DOCK2: variants seen among roughly 807,000 people sequenced by gnomAD.
The protein encoded by DOCK2 is dedicator of cytokinesis 2, also known as dedicator of cytokinesis protein 2.
Under a neutral mutation model 248.9 loss-of-function variants are expected in DOCK2, and 87 were observed. The ratio of observed to expected loss-of-function variants is 0.35; its 90% CI spans 0.29 to 0.42. DOCK2 has a LOEUF of 0.42. Among genes scored for constraint, DOCK2 ranks in the 10% least tolerant of loss-of-function variants. The probability of loss-of-function intolerance (pLI) is 1.00; values close to 1 mark genes in which losing one functional copy is unlikely to be tolerated. For missense variants in DOCK2, 1,747 were observed against 2,300.2 expected (o/e 0.76, Z 4.92); for synonymous variants, 805 against 821.6 (o/e 0.98, Z 0.35).
intron 27 of DOCK2, among the ~76,000 whole-genome samples, chr5:169,952,473 A>G (rs1157490614): frequency 1.3e-5 from 2 of 152,108 alleles, no homozygotes; most frequent in Admixed American, 1.3e-4. Context: ...CGCTGGTCTT[A>G]TGCAGGTGAC....
At chr5:169,665,981 A>T (rs769815303) in intron 2 of DOCK2, among the ~76,000 whole-genome samples, 1 of 152,096 alleles carries the variant, frequency 6.6e-6, no homozygotes, top group Non-Finnish European at 1.5e-5. Flanking sequence ...AATTGTAAAA[A>T]TTTTTCCTTT....
At position 170,082,957 on chromosome 5, in the gene DOCK2, T is replaced by C; in HGVS notation, c.*99T>C. 6.7e-7 allele frequency: 1 copy of C among 1,491,696 alleles called. No individual in the cohort carries two copies. The allele number at this position is 1,491,696 out of a possible 1,614,324, so 92.4% of individuals were successfully genotyped here. A position where few individuals can be genotyped will look rare whatever the true frequency, so the allele number is the denominator to read the frequency against. On this transcript the variant is annotated 3_prime_UTR_variant, in exon 52 of 52. Coordinates refer to ENST00000520908, the MANE Select transcript of DOCK2 (RefSeq NM_004946.3). ...ATCGAAGCCTCAGAGAGTGGGAGAC[T>C]GTCCCCATCAGTTGTCCTTACTTAG...
chr5:169,990,932 C>A (rs1778191061), intron 29 of DOCK2, among the ~76,000 whole-genome samples: 1 of 152,244 alleles, frequency 6.6e-6, no homozygotes. Context: ...AGGCCATGGG[C>A]ATTTAAGGAT....
At chr5:169,916,628 G>A (rs979188317) in intron 27 of DOCK2, among the ~76,000 whole-genome samples, 28 of 152,186 alleles carry the variant, frequency 1.8e-4, no homozygotes, top group African/African-American at 6.0e-4. Context: ...GTGCTTAGAA[G>A]AGTACCTGGC....
At chr5:169,654,742 GC>G (rs1194690240) in intron 2 of DOCK2, among the ~76,000 whole-genome samples, 2 of 152,242 alleles carry the variant, frequency 1.3e-5, no homozygotes, top group African/African-American at 4.8e-5. Flanking sequence ...GGGCTATTCA[GC>G]CTGTGACTCT....
intron 27 of DOCK2, among the ~76,000 whole-genome samples, chr5:169,909,889 AC>A (rs1244308715): frequency 1.3e-5 from 2 of 152,334 alleles, no homozygotes; most frequent in Admixed American, 6.5e-5. Flanking sequence ...TGAGTTGTTT[AC>A]TTGGGGCTAA....
At chr5:170,016,936 AAGACTCTG>A (rs2113819441) in intron 32 of DOCK2, among the ~76,000 whole-genome samples, 1 of 152,332 alleles carries the variant, frequency 6.6e-6, no homozygotes, top group African/African-American at 2.4e-5. Flanking sequence ...GGCCAAAGCA[AAGACTCTG>A]AGGCTTAAGT....
At chr5:169,871,502 A>G (rs964600347) in intron 27 of DOCK2, among the ~76,000 whole-genome samples, 3 of 152,230 alleles carry the variant, frequency 2.0e-5, no homozygotes, top group Non-Finnish European at 4.4e-5. Flanking sequence ...GGGATAAATA[A>G]TATTACCTTC....
intron 26 of DOCK2, among the ~76,000 whole-genome samples, chr5:169,811,532 G>T (rs977062999): frequency 6.6e-6 from 1 of 152,176 alleles, no homozygotes; most frequent in Non-Finnish European, 1.5e-5. Context: ...TGCACCTTCT[G>T]CTGTGACCAA....
At chr5:169,637,509 C>T in intron 1 of DOCK2, 140 bp downstream of exon 1, 1 of 1,030,978 alleles carries the variant, frequency 9.7e-7, no homozygotes, top group Non-Finnish European at 1.3e-6. Context: ...TGCGGCGGGG[C>T]CTCGGGGCGG....
intron 23 of DOCK2, among the ~76,000 whole-genome samples, chr5:169,757,489 T>C (rs1764257828): frequency 6.6e-6 from 1 of 152,184 alleles, no homozygotes; most frequent in East Asian, 1.9e-4. Flanking sequence ...CAATAGAACA[T>C]AGTTTCAGAG....
At chr5:169,864,470 CAG>C (rs1402714096) in intron 27 of DOCK2, 3 of 1,515,248 alleles carry the variant, frequency 2.0e-6, no homozygotes, top group Non-Finnish European at 2.7e-6. Flanking sequence ...CTGAAAAACA[CAG>C]AGAGGAAGGA....
At chr5:169,998,711 G>T (rs915085902) in intron 30 of DOCK2, among the ~76,000 whole-genome samples, 7 of 152,202 alleles carry the variant, frequency 4.6e-5, no homozygotes, top group Non-Finnish European at 1.0e-4. Context: ...TGACACCAAA[G>T]CCCACCCAGA....
intron 27 of DOCK2, among the ~76,000 whole-genome samples, chr5:169,861,793 T>G (rs999064941): frequency 2.6e-5 from 4 of 152,232 alleles, no homozygotes; most frequent in Non-Finnish European, 5.9e-5. Flanking sequence ...AATATCAATT[T>G]TTCAGAAGAG....
In DOCK2 at chr5:169,881,351, C is replaced by T. The variant is rs777329938; in HGVS notation, c.2799+40499C>T. ...GCTTTATGGTCTACAGAGCAGGCCTCGCTTGTGGCCAGGTACCTGTATATG... is the reference window on the plus strand; with the variant it reads ...GCTTTATGGTCTACAGAGCAGGCCTTGCTTGTGGCCAGGTACCTGTATATG... On this transcript the variant is annotated intron_variant, in intron 27 of 51. Transcript: ENST00000520908. The T allele has an allele frequency of 2.1e-5, 32 of 1,549,582 alleles. No individual in the cohort carries two copies. The South Asian group carries it at 2.9e-4, about 14-fold the overall frequency.
intron 15 of DOCK2, among the ~76,000 whole-genome samples, chr5:169,708,710 G>A (rs562151063): frequency 9.9e-5 from 15 of 152,150 alleles, no homozygotes; most frequent in South Asian, 4.2e-4. Flanking sequence ...GATTACAAGC[G>A]TGTGCCACCA....
chr5:169,734,539 C>T (rs549400192), intron 22 of DOCK2, among the ~76,000 whole-genome samples: 1 of 152,134 alleles, frequency 6.6e-6, no homozygotes, highest in African/African-American at 2.4e-5. Context: ...TTTCATTCAC[C>T]TGGGGCAATA....
chr5:169,905,943 G>A (rs1774251417), intron 27 of DOCK2, among the ~76,000 whole-genome samples: 1 of 152,214 alleles, frequency 6.6e-6, no homozygotes, highest in Non-Finnish European at 1.5e-5. Flanking sequence ...TATCTAAAAT[G>A]TCTGTTGCCT....
In DOCK2 at chr5:169,790,934, C is replaced by T. The variant is rs550697074; in HGVS notation, c.2555-12124C>T. On this transcript the variant is annotated intron_variant, in intron 25 of 51. Transcript: ENST00000520908. ...TGCCTTCCTCTATGATTAGGTAAAA[C>T]GGCTCAGGGGAGGTGGTGAAGGTAA... is the stretch of plus-strand genomic sequence containing the variant. Among the ~76,000 whole-genome samples the T allele has an allele frequency of 7.7e-4, 118 of 152,288 alleles. 1 individual carries two copies. In the South Asian group the frequency reaches 0.014, roughly 18 times the overall value.
Sources: gnomAD v4.1 joint callset for allele counts (sites outside exome capture counted in the v4.1 genomes callset) on GRCh38, gnomAD v4.1.1 for gene constraint, MANE v1.5 for transcripts, NCBI Gene and HGNC (gene_info 2026-07-23, HGNC 2026-07-21) for gene names.